NMT1: variants seen among roughly 807,000 people sequenced by gnomAD.
NMT1 encodes the protein glycylpeptide N-tetradecanoyltransferase 1.
NMT1 carries 12 observed loss-of-function variants against 63.4 expected under a neutral mutation model. The ratio of observed to expected loss-of-function variants is 0.19; its 90% confidence interval spans 0.12 to 0.31. The LOEUF (loss-of-function observed/expected upper bound fraction) is 0.31. Ranked by LOEUF, NMT1 falls within the 10% of genes least tolerant of loss-of-function variation. The pLI is 1.00. For synonymous variants in NMT1, 228 were observed against 234.3 expected (o/e 0.97, Z 0.25); for missense variants, 432 against 634.6 (o/e 0.68, Z 3.43).
Position 45,086,752 on chromosome 17 carries a change from G to A in NMT1, c.385+100G>A, listed in dbSNP as rs2054057685. ...ATGCTGAATTACTGTAGGGAGGGCA[G>A]TAGAGTCCTGGAGTTCCTTGGTAGT... On this transcript the variant is annotated intron_variant, in intron 3 of 11. Transcript: ENST00000258960. The A allele has an allele frequency of 4.6e-6, 6 of 1,290,672 alleles. No homozygotes were observed. The South Asian group carries it at 9.2e-5, about 20-fold the overall frequency. 80.0% of individuals were successfully genotyped at this position (1,290,672 alleles called of 1,614,324 possible).
intron 8 of NMT1, among the ~76,000 whole-genome samples, chr17:45,101,089 C>CT (rs2054160982): frequency 6.6e-6 from 1 of 151,258 alleles, no homozygotes; most frequent in Non-Finnish European, 1.5e-5. Context: ...GAGGCTGAGG[C>CT]AGGAGAATGG....
chr17:45,093,676 T>G lies in NMT1; in HGVS notation c.386-9T>G. 1 of 1,613,312 alleles carries G rather than the reference T, an allele frequency of 6.2e-7. No homozygotes were observed. Among genetic ancestry groups the G allele is most frequent in the Non-Finnish European group, 8.5e-7 (1 of 1,179,236 alleles). The stretch of plus-strand genomic sequence containing the variant: ...AAGGGTGAGGCTCACAGCTGTGCTC[T>G]TCTTTCAGGCGAAGTGGTGAACACC... On this transcript the variant is annotated splice_polypyrimidine_tract_variant and intron_variant, in intron 3 of 11. Coordinates refer to ENST00000258960, the MANE Select transcript of NMT1 (RefSeq NM_021079.5).
intron 2 of NMT1, among the ~76,000 whole-genome samples, 164 bp downstream of exon 2, chr17:45,081,916 A>G (rs1005144939): frequency 6.6e-6 from 1 of 152,162 alleles, no homozygotes; most frequent in Non-Finnish European, 1.5e-5. Flanking sequence ...GACCTAGGTG[A>G]TGAAACTGCT....
intron 2 of NMT1, among the ~76,000 whole-genome samples, chr17:45,086,147 G>T: frequency 8.1e-6 from 1 of 122,886 alleles, no homozygotes; most frequent in South Asian, 2.5e-4. Context: ...TTTTTGAGAC[G>T]GAGTCTAGCT....
rs779975972 is a variant in NMT1 at position 45,097,154 on chromosome 17, C to A, written c.623C>A (p.Pro208His). ...LWALRPPGWL[P>H]QWHCGVRVVS... ...GCTCTCCGGCCACCCGGCTGGCTCC[C>A]CCAGTGGCACTGTGGGGTTCGAGTG... Residue 208 changes from proline to histidine, a missense_variant, in exon 6 of 12, where the codon CCC becomes CAC. By Grantham distance (77) the Pro-to-His change is moderately conservative (BLOSUM62 -2). Around this residue, in one of 4 missense-constraint regions of NMT1, gnomAD observed 295 missense variants for 489.7 expected, o/e 0.60. Coordinates refer to ENST00000258960, the MANE Select transcript of NMT1 (RefSeq NM_021079.5). 6.2e-7 allele frequency: 1 copy of A among 1,614,232 alleles called. No individual in the cohort carries two copies. The highest frequency in any genetic ancestry group is 1.7e-5 in the Admixed American group (1 of 60,030).
At chr17:45,062,124 A>G (rs1036458624) in intron 1 of NMT1, among the ~76,000 whole-genome samples, 14 of 152,206 alleles carry the variant, frequency 9.2e-5, no homozygotes, top group Admixed American at 6.6e-5. Flanking sequence ...CCCAGGCTTC[A>G]AGAAATGAGC....
intron 1 of NMT1, among the ~76,000 whole-genome samples, chr17:45,065,287 C>A (rs1230953843): frequency 1.3e-5 from 2 of 152,068 alleles, no homozygotes. Context: ...CATTTTCTCT[C>A]CCCAAATAAT....
rs141629884 is a variant in NMT1, at chr17:45,104,910, C to T, written c.1384C>T (p.Leu462=). The T allele has an allele frequency of 3.1e-6, 5 of 1,614,038 alleles. No individual in the cohort carries two copies. The highest frequency in any genetic ancestry group is 1.3e-5 in the African/African-American group (1 of 74,896). ...ALDLMENKTF[L]EKLKFGIGDG... is the part of the protein sequence containing the mutation. ...GGATCTCATGGAGAACAAAACCTTC[C>T]TGGAGAAGCTCAAGTTTGGCATAGG... Residue 462 remains leucine (L), a synonymous_variant, in exon 11 of 12, where the codon CTG becomes TTG. Transcript: ENST00000258960. This position sits in a 1 kb window ranked among gnomAD's most constrained non-coding sequence, Gnocchi z 4.2.
At chr17:45,077,684 C>T (rs2053986893) in intron 1 of NMT1, among the ~76,000 whole-genome samples, 2 of 152,164 alleles carry the variant, frequency 1.3e-5, no homozygotes, top group African/African-American at 2.4e-5. Flanking sequence ...GCCACCGCAC[C>T]CAGCCTATGA....
chr17:45,092,161 G>A (rs1025294220), intron 3 of NMT1, among the ~76,000 whole-genome samples: 20 of 152,206 alleles, frequency 1.3e-4, no homozygotes, highest in South Asian at 2.1e-4. Flanking sequence ...CCTGCAGCAC[G>A]TGGATAATGA....
rs1238160919 is a variant in NMT1 at position 45,105,033 on chromosome 17, C to T, written c.1470+37C>T. On this transcript the variant is annotated intron_variant, in intron 11 of 11. Transcript: ENST00000258960. This position sits in a 1 kb window ranked among gnomAD's most constrained non-coding sequence, Gnocchi z 4.2. Reference sequence around the variant, plus strand: ...ATAGCCAGAGTCCAGGCTGCCCGGCCCAGGGTGTCCATGTCTCCAGCAGAA... The same window carrying T: ...ATAGCCAGAGTCCAGGCTGCCCGGCTCAGGGTGTCCATGTCTCCAGCAGAA... 6.2e-7 allele frequency: 1 copy of T among 1,612,624 alleles called. No homozygotes were observed. The highest frequency in any genetic ancestry group is 1.7e-5 in the Admixed American group (1 of 59,970).
intron 1 of NMT1, among the ~76,000 whole-genome samples, chr17:45,063,622 G>A (rs763219133): frequency 2.1e-4 from 32 of 152,180 alleles, no homozygotes; most frequent in Non-Finnish European, 3.8e-4. Context: ...TTGGCCTGGC[G>A]TGGTAGCTCA....
chr17:45,079,774 A>G (rs530257907), intron 1 of NMT1, among the ~76,000 whole-genome samples: 1 of 152,240 alleles, frequency 6.6e-6, no homozygotes, highest in South Asian at 2.1e-4. Context: ...ATCTCGGCTC[A>G]CTGCAAGCTC....
chr17:45,083,335 T>A (rs1277994578), intron 2 of NMT1, among the ~76,000 whole-genome samples: 1 of 150,114 alleles, frequency 6.7e-6, no homozygotes, highest in African/African-American at 2.4e-5. Context: ...AAAAAAAAAT[T>A]AAAAAAAAAT....
At chr17:45,073,088 G>A (rs1273528260) in intron 1 of NMT1, among the ~76,000 whole-genome samples, 1 of 152,034 alleles carries the variant, frequency 6.6e-6, no homozygotes, top group Non-Finnish European at 1.5e-5. Context: ...TGTTAACTGT[G>A]TGCTCAGCAC....
chr17:45,086,218 G>A (rs2054051454), intron 2 of NMT1, among the ~76,000 whole-genome samples: 1 of 148,666 alleles, frequency 6.7e-6, no homozygotes. Flanking sequence ...CTGCCTCCCA[G>A]GTTCAAGTGA....
intron 1 of NMT1, among the ~76,000 whole-genome samples, chr17:45,078,179 G>A (rs2053989507): frequency 6.6e-6 from 1 of 152,140 alleles, no homozygotes; most frequent in African/African-American, 2.4e-5. Context: ...GATAGGCCTA[G>A]GGAAAAATTG....
At chr17:45,074,471 G>A (rs557166074) in intron 1 of NMT1, among the ~76,000 whole-genome samples, 7 of 152,084 alleles carry the variant, frequency 4.6e-5, no homozygotes, top group Admixed American at 2.6e-4. Flanking sequence ...TGCCCACCTC[G>A]GCCTCCCAAA....
chr17:45,101,617 CAAAAAAAAAA>C (rs748973404), intron 8 of NMT1, among the ~76,000 whole-genome samples: 1 of 53,368 alleles, frequency 1.9e-5, no homozygotes, highest in African/African-American at 9.4e-5. Context: ...GACTCCGTCG[CAAAAAAAAAA>C]AAAAAAAAAA....
Sources: allele counts gnomAD v4.1 joint callset (sites outside exome capture counted in the v4.1 genomes callset), GRCh38; gene constraint gnomAD v4.1.1; regional missense constraint gnomAD v4.1.1; non-coding constraint Gnocchi (gnomAD v3.1); transcripts MANE v1.5; gene names NCBI Gene and HGNC (gene_info 2026-07-23, HGNC 2026-07-21).